Variants in CACNA1D observed in about 807,000 individuals in gnomAD.
The protein encoded by CACNA1D is voltage-dependent L-type calcium channel subunit alpha-1D.
Under a neutral mutation model 257.1 loss-of-function variants are expected in CACNA1D, and 55 were observed. That is an observed-to-expected ratio of 0.21 (90% CI 0.17 to 0.27). CACNA1D has a LOEUF of 0.27. Among genes scored for constraint, CACNA1D ranks in the 10% least tolerant of loss-of-function variants. The pLI is 1.00. For synonymous variants in CACNA1D, 980 were observed against 1,014.9 expected, an observed-to-expected ratio of 0.97 and a Z score of 0.65; for missense variants, 1,876 against 2,784.0, an observed-to-expected ratio of 0.67 and a Z score of 7.34.
At chr3:53,550,020 G>A (rs967580371) in intron 3 of CACNA1D, among the ~76,000 whole-genome samples, 3 of 152,148 alleles carry the variant, frequency 2.0e-5, no homozygotes, top group East Asian at 1.9e-4. Context: ...GATTTCAGTC[G>A]GCTGCTGAGC....
intron 3 of CACNA1D, among the ~76,000 whole-genome samples, chr3:53,556,108 T>C (rs1404701641): frequency 2.6e-5 from 4 of 152,158 alleles, no homozygotes; most frequent in African/African-American, 9.7e-5. Flanking sequence ...TGTTTAGGAG[T>C]GTGGAGAAAT....
chr3:53,569,362 C>T (rs1399336242), intron 3 of CACNA1D, among the ~76,000 whole-genome samples: 1 of 152,214 alleles, frequency 6.6e-6, no homozygotes, highest in Non-Finnish European at 1.5e-5. Context: ...CTGGCTTAGG[C>T]GTACGTGTTG....
chr3:53,746,329 A>C (rs1036490780), intron 25 of CACNA1D, among the ~76,000 whole-genome samples: 1 of 152,150 alleles, frequency 6.6e-6, no homozygotes, highest in Non-Finnish European at 1.5e-5. Context: ...CTTCTTATAC[A>C]CTTTCTAGAC....
chr3:53,532,115 T>C (rs2091971395), intron 3 of CACNA1D, among the ~76,000 whole-genome samples: 1 of 152,222 alleles, frequency 6.6e-6, no homozygotes, highest in African/African-American at 2.4e-5. Context: ...CTATTTCTAC[T>C]GAATTGTCGC....
At chr3:53,568,478 C>T (rs896427468) in intron 3 of CACNA1D, among the ~76,000 whole-genome samples, 2 of 152,168 alleles carry the variant, frequency 1.3e-5, no homozygotes, top group East Asian at 1.9e-4. Context: ...TTCTCAAAAG[C>T]GCCCACTGCC....
chr3:53,686,579 T>G (rs528908596), intron 8 of CACNA1D, among the ~76,000 whole-genome samples: 9 of 152,028 alleles, frequency 5.9e-5, no homozygotes, highest in Non-Finnish European at 1.0e-4. Context: ...GAGGAAATCA[T>G]ACGATCACCT....
At chr3:53,668,728 G>T (rs1009423104) in intron 7 of CACNA1D, among the ~76,000 whole-genome samples, 1 of 152,182 alleles carries the variant, frequency 6.6e-6, no homozygotes, top group African/African-American at 2.4e-5. Context: ...AGGCTACATG[G>T]TCACCTCAGC....
chr3:53,504,744 TGGGG>T (rs1007192639), intron 3 of CACNA1D, among the ~76,000 whole-genome samples: 13 of 152,060 alleles, frequency 8.5e-5, no homozygotes, highest in African/African-American at 2.7e-4. Flanking sequence ...AGTGTCAGAG[TGGGG>T]ATGATTACAA....
intron 3 of CACNA1D, among the ~76,000 whole-genome samples, chr3:53,618,959 G>A (rs919560285): frequency 5.3e-5 from 8 of 152,126 alleles, no homozygotes; most frequent in African/African-American, 9.7e-5. Context: ...GGGTTTTGTG[G>A]GATGATGCAC....
intron 8 of CACNA1D, among the ~76,000 whole-genome samples, chr3:53,702,230 C>G (rs900410867): frequency 6.6e-6 from 1 of 152,202 alleles, no homozygotes; most frequent in Non-Finnish European, 1.5e-5. Context: ...ACTTGGTACT[C>G]TTTGACCACA....
chr3:53,710,502 CT>C, intron 9 of CACNA1D: 1 of 456,650 alleles, frequency 2.2e-6, no homozygotes, highest in Non-Finnish European at 4.4e-6. Context: ...ACTGAGCTTT[CT>C]TTTTCCGCAA....
At chr3:53,528,955 GTT>G (rs2091856489) in intron 3 of CACNA1D, among the ~76,000 whole-genome samples, 2 of 152,110 alleles carry the variant, frequency 1.3e-5, no homozygotes, top group South Asian at 4.1e-4. Context: ...AATAAAGATA[GTT>G]TTGTTTCTTC....
intron 3 of CACNA1D, among the ~76,000 whole-genome samples, chr3:53,545,698 A>G (rs2092397595): frequency 6.6e-6 from 1 of 152,216 alleles, no homozygotes; most frequent in African/African-American, 2.4e-5. Context: ...GTTATCATGT[A>G]AAAATTCGAT....
At chr3:53,502,066 G>A (rs77813760) in intron 3 of CACNA1D, among the ~76,000 whole-genome samples, 1 of 104,418 alleles carries the variant, frequency 9.6e-6, no homozygotes, top group Non-Finnish European at 2.1e-5. Flanking sequence ...TTTTTTTTTT[G>A]TTTTTAATCT....
chr3:53,736,691 A>G (rs1385881351), intron 20 of CACNA1D, among the ~76,000 whole-genome samples: 2 of 152,004 alleles, frequency 1.3e-5, no homozygotes, highest in Non-Finnish European at 2.9e-5. Flanking sequence ...CAGGAGTTCA[A>G]GACTAGTCTA....
At chr3:53,562,884 G>T (rs1307052118) in intron 3 of CACNA1D, among the ~76,000 whole-genome samples, 2 of 152,108 alleles carry the variant, frequency 1.3e-5, no homozygotes, top group Admixed American at 6.5e-5. Flanking sequence ...TGCTATTATT[G>T]TTCCTTGTTT....
chr3:53,561,224 C>CT (rs1349417297), intron 3 of CACNA1D, among the ~76,000 whole-genome samples: 3 of 152,042 alleles, frequency 2.0e-5, no homozygotes, highest in Middle Eastern at 3.2e-3. Flanking sequence ...CACAAATCTC[C>CT]TTTTTTTCTG....
In CACNA1D at chr3:53,732,978, C is replaced by G. The variant is rs758065262; in HGVS notation, c.2621+16C>G. ...AGACCAACCCGTAAATACTCCCCTTCTAGTCTCTCACGGCTGCCTCTTGCC... is the reference window on the plus strand; with the variant it reads ...AGACCAACCCGTAAATACTCCCCTTGTAGTCTCTCACGGCTGCCTCTTGCC... On this transcript the variant is annotated intron_variant, in intron 19 of 47. Transcript: ENST00000350061. 2.4e-5 allele frequency: 38 copies of G among 1,613,810 alleles called. No individual in the cohort carries two copies. Among genetic ancestry groups the G allele is most frequent in the Non-Finnish European group, 3.1e-5 (36 of 1,179,756 alleles).
chr3:53,719,906 A>C, intron 11 of CACNA1D, 125 bp downstream of exon 11: 1 of 899,178 alleles, frequency 1.1e-6, no homozygotes, highest in Non-Finnish European at 1.9e-6. Context: ...ATTGATACTG[A>C]ATTGCAGTCA....
Sources: gnomAD v4.1 joint callset for allele counts (sites outside exome capture counted in the v4.1 genomes callset) on GRCh38, gnomAD v4.1.1 for gene constraint, MANE v1.5 for transcripts, NCBI Gene and HGNC (gene_info 2026-07-23, HGNC 2026-07-21) for gene names.